HRH4: variants seen among roughly 807,000 people sequenced by gnomAD.
HRH4 encodes histamine receptor H4.
HRH4 carries 12 observed loss-of-function variants against 10.4 expected under a neutral mutation model. The ratio of observed to expected loss-of-function variants is 1.15; its 90% CI spans 0.74 to 1.87. The LOEUF is 1.87. Ranked by LOEUF, HRH4 falls within the 40% of genes most tolerant of loss-of-function variation. HRH4 has a pLI of 0.00. For synonymous variants in HRH4, 154 were observed against 166.6 expected (o/e 0.92, Z 0.58); for missense variants, 415 against 453.3 (o/e 0.92, Z 0.77).
intron 2 of HRH4, among the ~76,000 whole-genome samples, chr18:24,474,962 G>A (rs532106558): frequency 5.3e-4 from 81 of 152,282 alleles, no homozygotes; most frequent in African/African-American, 1.9e-3. Flanking sequence ...GGGATTACAG[G>A]TGTGAGCCAC....
intron 2 of HRH4, among the ~76,000 whole-genome samples, chr18:24,469,832 G>T (rs899615040): frequency 1.3e-5 from 2 of 152,120 alleles, no homozygotes; most frequent in African/African-American, 4.8e-5. Context: ...GTGTCGCGGG[G>T]GTTTTGGCGT....
At chr18:24,476,413 A>T (rs906291979) in intron 2 of HRH4, among the ~76,000 whole-genome samples, 1 of 152,230 alleles carries the variant, frequency 6.6e-6, no homozygotes, top group Non-Finnish European at 1.5e-5. Flanking sequence ...TACTGTGGTA[A>T]GGTGCGTCCA....
intron 1 of HRH4, among the ~76,000 whole-genome samples, chr18:24,467,970 G>C (rs145395837): frequency 6.2e-4 from 95 of 152,246 alleles, no homozygotes; most frequent in Non-Finnish European, 1.0e-3. Context: ...GTTGGGGTTA[G>C]AGCATGAAAA....
In HRH4 at chr18:24,479,903, G is replaced by A. The variant is rs570537542; in HGVS notation, c.*2341G>A. 30 of 152,168 alleles carry A rather than the reference G, an allele frequency of 2.0e-4. No homozygotes were observed. Among genetic ancestry groups the A allele is most frequent in the Non-Finnish European group, 4.0e-4 (27 of 68,000 alleles). The allele number at this position is 152,168 out of a possible 1,614,324, so 9.4% of individuals were successfully genotyped here. On this transcript the variant is annotated 3_prime_UTR_variant, in exon 3 of 3. Coordinates refer to ENST00000256906, the MANE Select transcript of HRH4 (RefSeq NM_021624.4). Reference sequence around the variant, plus strand: ...TTAAAGTCCAATATGAGAAATACATGTTTAACATTCAATAATAATTTTAAA... The same window carrying A: ...TTAAAGTCCAATATGAGAAATACATATTTAACATTCAATAATAATTTTAAA...
chr18:24,468,876 C>G lies in HRH4; in HGVS notation c.282C>G (p.Asp94Glu). The change falls in exon 2 of 3, where the codon GAC becomes GAG. Residue 94 changes from aspartate (D) to glutamate (E), a missense_variant. Asp to Glu is a conservative substitution (Grantham distance 45). Coordinates refer to ENST00000256906, the MANE Select transcript of HRH4 (RefSeq NM_021624.4). ...TCTGTGTATTTTGGCTCACTACTGA[C>G]TATCTGTTATGTACAGCATCTGTAT... ...KEICVFWLTT[D>E]YLLCTASVYN... The G allele has an allele frequency of 6.2e-7, 1 of 1,613,598 alleles. No individual in the cohort carries two copies. Among genetic ancestry groups the G allele is most frequent in the Non-Finnish European group, 8.5e-7 (1 of 1,179,516 alleles).
Position 24,477,265 on chromosome 18 carries a change from T to C in HRH4, c.876T>C (p.His292=), listed in dbSNP as rs1339627444. 3 of 1,614,226 alleles carry C rather than the reference T, an allele frequency of 1.9e-6. No homozygotes were observed. The highest frequency in any genetic ancestry group is 2.2e-5 in the South Asian group (2 of 91,090). The part of the protein sequence containing the change: ...SDSVALHQRE[H]VELLRARRLA... ...CTGTAGCTCTTCACCAAAGGGAACA[T>C]GTTGAACTGCTTAGAGCCAGGAGAT... Residue 292 remains histidine, a synonymous_variant, in exon 3 of 3, where the codon CAT becomes CAC. Coordinates refer to ENST00000256906, the MANE Select transcript of HRH4 (RefSeq NM_021624.4).
chr18:24,463,819 A>G (rs1909702624), intron 1 of HRH4, among the ~76,000 whole-genome samples: 1 of 152,238 alleles, frequency 6.6e-6, no homozygotes, highest in Non-Finnish European at 1.5e-5. Context: ...AGTACTAGCT[A>G]TACCGGACGT....
rs138611957 is a variant in HRH4 at position 24,476,955 on chromosome 18, T to G, written c.566T>G (p.Leu189Ter). 4.3e-6 allele frequency: 7 copies of G among 1,614,130 alleles called. No individual in the cohort carries two copies. The African/African-American group carries it at 9.3e-5, about 22-fold the overall frequency. ...TTGGAATTCGTGATCCCAGTCATCT[T>G]AGTCGCTTATTTCAACATGAATATT... ...SFLEFVIPVI[L>*]VAYFNMNIYW... Residue 189 changes from leucine (L) to a stop codon, truncating the protein, a stop_gained, in exon 3 of 3, where the codon TTA (leucine) becomes TGA (stop). Coordinates refer to ENST00000256906, the MANE Select transcript of HRH4 (RefSeq NM_021624.4). LOFTEE classifies it low-confidence loss of function (END_TRUNC).
At chr18:24,470,933 T>TA (rs1169075043) in intron 2 of HRH4, among the ~76,000 whole-genome samples, 4 of 150,066 alleles carry the variant, frequency 2.7e-5, no homozygotes, top group African/African-American at 9.9e-5. Context: ...AAGGGATTTT[T>TA]TTTTTTTAAC....
At chr18:24,461,754 TGTTA>T (rs1037637021) in intron 1 of HRH4, among the ~76,000 whole-genome samples, 20 of 150,848 alleles carry the variant, frequency 1.3e-4, no homozygotes, top group African/African-American at 4.0e-4. Context: ...ACTCAACAAA[TGTTA>T]GTTCTCTTTT....
chr18:24,471,599 T>A (rs1433299340), intron 2 of HRH4, among the ~76,000 whole-genome samples: 2 of 66,836 alleles, frequency 3.0e-5, no homozygotes, highest in African/African-American at 7.3e-5. Flanking sequence ...GCAGCAAGAC[T>A]CCATCTCAAA....
intron 2 of HRH4, among the ~76,000 whole-genome samples, chr18:24,473,530 C>T (rs955491092): frequency 2.0e-5 from 3 of 152,188 alleles, no homozygotes; most frequent in Non-Finnish European, 4.4e-5. Context: ...GTCTTTACAT[C>T]TGTTGTAACG....
chr18:24,477,138 CAG>C lies in HRH4; in HGVS notation c.755_756del (p.Arg252ThrfsTer6), dbSNP rs771737805. The C allele has an allele frequency of 1.9e-5, 31 of 1,614,056 alleles. No individual in the cohort carries two copies. In the African/African-American group the frequency reaches 3.9e-4, roughly 20 times the overall value. On this transcript the variant is annotated frameshift_variant, in exon 3 of 3. Coordinates refer to ENST00000256906, the MANE Select transcript of HRH4 (RefSeq NM_021624.4). LOFTEE classifies it low-confidence loss of function (END_TRUNC). ...ACAGAAGTTCCTGCATCCTTTCATT[CAG>C]AGAGACAGAGGAGAAAGAGTAGTCT...
chr18:24,467,603 G>A (rs1310519664), intron 1 of HRH4, among the ~76,000 whole-genome samples: 1 of 152,074 alleles, frequency 6.6e-6, no homozygotes, highest in African/African-American at 2.4e-5. Flanking sequence ...GAGTGCAGTG[G>A]CCCCATCTCA....
At position 24,468,827 on chromosome 18, in the gene HRH4, T is replaced by C; in HGVS notation, c.233T>C (p.Phe78Ser). The change falls in exon 2 of 3, where the codon TTC becomes TCC. Residue 78 changes from phenylalanine to serine, a missense_variant. Phe to Ser is a radical substitution (Grantham distance 155, BLOSUM62 -2). Transcript: ENST00000256906. The part of the protein sequence containing the change: ...SIPLYIPHTL[F>S]EWDFGKEICV... ...CCTTTGTACATCCCTCACACGCTGT[T>C]CGAATGGGATTTTGGAAAGGAAATC... 6.2e-7 allele frequency: 1 copy of C among 1,614,112 alleles called. No homozygotes were observed. The highest frequency in any genetic ancestry group is 8.5e-7 in the Non-Finnish European group (1 of 1,179,992).
At chr18:24,462,767 C>A (rs1290928297) in intron 1 of HRH4, among the ~76,000 whole-genome samples, 1 of 152,184 alleles carries the variant, frequency 6.6e-6, no homozygotes, top group Non-Finnish European at 1.5e-5. Flanking sequence ...TGCACTGTCT[C>A]CACATTTGTT....
At chr18:24,461,581 G>A (rs1161643726) in intron 1 of HRH4, among the ~76,000 whole-genome samples, 2 of 152,040 alleles carry the variant, frequency 1.3e-5, no homozygotes, top group Non-Finnish European at 2.9e-5. Flanking sequence ...ATAAGTAGAT[G>A]TACAGAAATG....
At chr18:24,467,423 A>G (rs1239227757) in intron 1 of HRH4, among the ~76,000 whole-genome samples, 1 of 152,226 alleles carries the variant, frequency 6.6e-6, no homozygotes, top group East Asian at 1.9e-4. Context: ...AAGAACCAGG[A>G]AAGTGCAGAG....
rs553613940 is a variant in HRH4, at chr18:24,478,886, C to A, written c.*1324C>A. 69 of 151,704 alleles carry A rather than the reference C, an allele frequency of 4.5e-4. No individual in the cohort carries two copies. The highest frequency in any genetic ancestry group is 1.6e-3 in the African/African-American group (68 of 41,368). 9.4% of individuals were successfully genotyped at this position (151,704 alleles called of 1,614,324 possible). A position where few individuals can be genotyped will look rare whatever the true frequency, so the allele number is the denominator to read the frequency against. ...GATGAAGTCTCACTGTGTTGCCCAG[C>A]CTGGGTGTCAATAATTATTTTTTAA... On this transcript the variant is annotated 3_prime_UTR_variant, in exon 3 of 3. Coordinates refer to ENST00000256906, the MANE Select transcript of HRH4 (RefSeq NM_021624.4).
Sources: gnomAD v4.1 joint callset for allele counts (sites outside exome capture counted in the v4.1 genomes callset) on GRCh38, gnomAD v4.1.1 for gene constraint, MANE v1.5 for transcripts, NCBI Gene and HGNC (gene_info 2026-07-23, HGNC 2026-07-21) for gene names.